The following RLN3 variants were observed in gnomAD, a reference collection of about 807,000 sequenced individuals.
The protein encoded by RLN3 is relaxin 3, also known as relaxin-3.
RLN3 carries 13 observed loss-of-function variants against 10.2 expected under a neutral mutation model. That is an observed-to-expected ratio of 1.28 (90% confidence interval 0.83 to 2.03). The LOEUF (loss-of-function observed/expected upper bound fraction) is 2.03, where lower values mean the gene tolerates loss of function less well. Among genes scored for constraint, RLN3 ranks in the 30% most tolerant of loss-of-function variants. The pLI is 0.00. For missense variants in RLN3, 191 were observed against 187.2 expected (o/e 1.02, Z -0.12); for synonymous variants, 56 against 79.2 (o/e 0.71, Z 1.56).
intron 1 of RLN3, among the ~76,000 whole-genome samples, chr19:14,028,783 CT>C (rs1216284872): frequency 1.3e-5 from 2 of 151,924 alleles, no homozygotes; most frequent in African/African-American, 2.4e-5. Flanking sequence ...CTCTGAGTGT[CT>C]TTTTTTTGGA....
rs552905693 is a variant in RLN3 at position 14,028,468 on chromosome 19, T to C, written c.190+74T>C. On this transcript the variant is annotated intron_variant, in intron 1 of 1. Coordinates refer to ENST00000431365, the MANE Select transcript of RLN3 (RefSeq NM_080864.4). ...GGGTCCCAGGAGCTAAGGACAGAGA[T>C]AAGAGGAGGTTGCTGGAGGAGGAGG... The C allele has an allele frequency of 5.9e-6, 8 of 1,356,470 alleles. No individual in the cohort carries two copies. The South Asian group carries it at 1.1e-4, about 18-fold the overall frequency. The allele number at this position is 1,356,470 out of a possible 1,614,324, so 84.0% of individuals were successfully genotyped here. A position where few individuals can be genotyped will look rare whatever the true frequency, so the allele number is the denominator to read the frequency against.
At position 14,031,543 on chromosome 19, in the gene RLN3, A is replaced by G. The variant is rs1263828692; in HGVS notation, c.*595A>G. 5 of 381,600 alleles carry G rather than the reference A, an allele frequency of 1.3e-5. No homozygotes were observed. Among genetic ancestry groups the G allele is most frequent in the African/African-American group, 4.3e-5 (2 of 46,848 alleles). 23.6% of individuals were successfully genotyped at this position (381,600 alleles called of 1,614,324 possible). A position where few individuals can be genotyped will look rare whatever the true frequency, so the allele number is the denominator to read the frequency against. On this transcript the variant is annotated 3_prime_UTR_variant, in exon 2 of 2. Coordinates refer to ENST00000431365, the MANE Select transcript of RLN3 (RefSeq NM_080864.4). ...CCCAAACTCCAATAATAAAAATTCG[A>G]AGACTTTGGCAGAGAGTGTGTGTGT...
chr19:14,029,355 AT>A (rs60592967), intron 1 of RLN3, among the ~76,000 whole-genome samples: 2,144 of 142,900 alleles, frequency 0.015, 28 homozygotes, highest in African/African-American at 0.038. Context: ...ATGTGCTACT[AT>A]TTTTTTTTTT....
At position 14,028,158 on chromosome 19, in the gene RLN3, A is replaced by G. The variant is rs1034330274; in HGVS notation, c.-47A>G. On this transcript the variant is annotated 5_prime_UTR_variant, in exon 1 of 2. Coordinates refer to ENST00000431365, the MANE Select transcript of RLN3 (RefSeq NM_080864.4). ...ATGTATAAATGGGGGGCCAAGAGGC[A>G]GCAGAGACACTGGCCCACTCTCACG... 4 of 1,426,858 alleles carry G rather than the reference A, an allele frequency of 2.8e-6. No individual in the cohort carries two copies. The Admixed American group carries it at 8.9e-5, about 32-fold the overall frequency. 88.4% of individuals were successfully genotyped at this position (1,426,858 alleles called of 1,614,324 possible).
rs1975796911 is a variant in RLN3 at position 14,030,989 on chromosome 19, C to T, written c.*41C>T. The stretch of plus-strand genomic sequence containing the variant: ...GCCGTGGGCACCAGGACCAATGCCC[C>T]AGTCCTGCCATCCACTCAACTAGTG... On this transcript the variant is annotated 3_prime_UTR_variant, in exon 2 of 2. Transcript: ENST00000431365. 5 of 1,332,088 alleles carry T rather than the reference C, an allele frequency of 3.8e-6. No individual in the cohort carries two copies. In the South Asian group the frequency reaches 7.0e-5, roughly 19 times the overall value. 82.5% of individuals were successfully genotyped at this position (1,332,088 alleles called of 1,614,324 possible). A position where few individuals can be genotyped will look rare whatever the true frequency, so the allele number is the denominator to read the frequency against.
At chr19:14,029,172 T>G (rs564644390) in intron 1 of RLN3, among the ~76,000 whole-genome samples, 1 of 152,072 alleles carries the variant, frequency 6.6e-6, no homozygotes, top group African/African-American at 2.4e-5. Context: ...AGCGGCACAA[T>G]CTGGGATCCA....
In RLN3 at chr19:14,028,283, G is replaced by A. The variant is rs755497183; in HGVS notation, c.79G>A (p.Ala27Thr). The A allele has an allele frequency of 2.7e-5, 43 of 1,613,856 alleles. No individual in the cohort carries two copies. Among genetic ancestry groups the A allele is most frequent in the Non-Finnish European group, 3.6e-5 (42 of 1,179,950 alleles). Reference protein sequence around the residue: ...GELWPGAEARAAPYGVRLCGR... With the variant: ...GELWPGAEARTAPYGVRLCGR... The stretch of plus-strand genomic sequence containing the variant: ...GCTGTGGCCGGGAGCTGAGGCCCGG[G>A]CAGCGCCTTACGGGGTCAGGCTTTG... The change falls in exon 1 of 2, where the codon GCA (alanine) becomes ACA (threonine). Residue 27 changes from alanine to threonine, a missense_variant. Physicochemically the swap from Ala to Thr is moderately conservative, Grantham distance 58. Transcript: ENST00000431365.
intron 1 of RLN3, among the ~76,000 whole-genome samples, chr19:14,029,882 C>T (rs1047356306): frequency 4.0e-5 from 6 of 151,084 alleles, no homozygotes; most frequent in Admixed American, 6.6e-5. Context: ...GACTGGAGTG[C>T]AGTGGTGTGA....
intron 1 of RLN3, 129 bp downstream of exon 1, chr19:14,028,523 C>T (rs1599542217): frequency 2.6e-6 from 2 of 763,872 alleles, no homozygotes; most frequent in Non-Finnish European, 4.1e-6. Flanking sequence ...CAGCCAGGGA[C>T]ACCTGCCCAG....
At position 14,030,956 on chromosome 19, in the gene RLN3, G is replaced by A. The variant is rs748381204; in HGVS notation, c.*8G>A. The A allele has an allele frequency of 6.5e-7, 1 of 1,541,396 alleles. No homozygotes were observed. The highest frequency in any genetic ancestry group is 1.9e-5 in the Admixed American group (1 of 52,334). On this transcript the variant is annotated 3_prime_UTR_variant, in exon 2 of 2. Transcript: ENST00000431365. ...ATCAGTAGCCTTTGCTAGTTTGAGG[G>A]CTGGGCAGCCGTGGGCACCAGGACC...
chr19:14,029,166 G>A (rs1416507117), intron 1 of RLN3, among the ~76,000 whole-genome samples: 2 of 152,018 alleles, frequency 1.3e-5, no homozygotes, highest in Admixed American at 1.3e-4. Flanking sequence ...CAGGGCAGCG[G>A]CACAATCTGG....
At chr19:14,030,391 G>A in intron 1 of RLN3, 2 of 701,392 alleles carry the variant, frequency 2.9e-6, no homozygotes, top group East Asian at 2.7e-5. Flanking sequence ...TGGGTGCGGT[G>A]GCTCACGCCT....
At chr19:14,029,360 T>A (rs1379295844) in intron 1 of RLN3, among the ~76,000 whole-genome samples, 3 of 151,894 alleles carry the variant, frequency 2.0e-5, no homozygotes, top group African/African-American at 7.3e-5. Flanking sequence ...CTACTATTTT[T>A]TTTTTTTTTG....
rs1328520635 is a variant in RLN3, at chr19:14,031,454, C to G, written c.*506C>G. On this transcript the variant is annotated 3_prime_UTR_variant, in exon 2 of 2. Transcript: ENST00000431365. ...CAACTCCCCTGCCAGAGTTCCAAGG[C>G]TGTGGACCCCAGAGAAGGTGGCAGG... 4 of 237,666 alleles carry G rather than the reference C, an allele frequency of 1.7e-5. No individual in the cohort carries two copies. In the East Asian group the frequency reaches 4.2e-4, roughly 25 times the overall value. The allele number at this position is 237,666 out of a possible 1,614,324, so 14.7% of individuals were successfully genotyped here.
In RLN3 at chr19:14,031,094, A is replaced by T. The variant is rs1975799338; in HGVS notation, c.*146A>T. On this transcript the variant is annotated 3_prime_UTR_variant, in exon 2 of 2. Transcript: ENST00000431365. ...TCACAGAGGCACTGTGGGCTCAGGC[A>T]CAGTCTCCCGACACCACCTATCCAA... 1 of 654,826 alleles carries T rather than the reference A, an allele frequency of 1.5e-6. No individual in the cohort carries two copies. Among genetic ancestry groups the T allele is most frequent in the Non-Finnish European group, 2.7e-6 (1 of 375,802 alleles). 40.6% of individuals were successfully genotyped at this position (654,826 alleles called of 1,614,324 possible).
At chr19:14,028,786 T>A (rs1975754709) in intron 1 of RLN3, among the ~76,000 whole-genome samples, 1 of 152,166 alleles carries the variant, frequency 6.6e-6, no homozygotes, top group African/African-American at 2.4e-5. Flanking sequence ...TGAGTGTCTT[T>A]TTTTTGGAGA....
intron 1 of RLN3, 147 bp from the exon 2 acceptor site, chr19:14,030,563 A>C (rs956282077): frequency 5.0e-6 from 4 of 792,550 alleles, no homozygotes; most frequent in Middle Eastern, 2.5e-4. Flanking sequence ...GCAGAGCCAG[A>C]ATTTGAACCC....
In RLN3 at chr19:14,031,241, C is replaced by G; in HGVS notation, c.*293C>G. 2.6e-6 allele frequency: 1 copy of G among 392,074 alleles called. No homozygotes were observed. The highest frequency in any genetic ancestry group is 4.6e-6 in the Non-Finnish European group (1 of 215,810). 24.3% of individuals were successfully genotyped at this position (392,074 alleles called of 1,614,324 possible). On this transcript the variant is annotated 3_prime_UTR_variant, in exon 2 of 2. Coordinates refer to ENST00000431365, the MANE Select transcript of RLN3 (RefSeq NM_080864.4). ...CTCCCCAGCCCTAACCATGCGTTTG[C>G]CTGGCCTACACACTCCACTGCCACA...
At chr19:14,029,932 A>C (rs1975772324) in intron 1 of RLN3, among the ~76,000 whole-genome samples, 1 of 151,568 alleles carries the variant, frequency 6.6e-6, no homozygotes, top group African/African-American at 2.4e-5. Flanking sequence ...GGCTCAAGCA[A>C]TTCTCCTGCC....
Sources: allele counts gnomAD v4.1 joint callset (sites outside exome capture counted in the v4.1 genomes callset), GRCh38; gene constraint gnomAD v4.1.1; transcripts MANE v1.5; gene names NCBI Gene and HGNC (gene_info 2026-07-23, HGNC 2026-07-21).